FGD3: variants seen among roughly 807,000 people sequenced by gnomAD.
The protein encoded by FGD3 is FYVE, RhoGEF and PH domain containing 3, also known as FYVE, RhoGEF and PH domain-containing protein 3.
In FGD3, 45 loss-of-function variants were observed where a neutral mutation model predicts 71.8. That is an observed-to-expected ratio of 0.63 (90% CI 0.49 to 0.80). The LOEUF is 0.80. FGD3 is among the 30% of genes least tolerant of loss of function. The pLI, the probability that FGD3 is intolerant of heterozygous loss-of-function variation, is 0.00. For missense variants in FGD3, 844 were observed against 951.5 expected (o/e 0.89, Z 1.49); for synonymous variants, 378 against 392.8 (o/e 0.96, Z 0.44).
At chr9:93,028,893 A>G (rs1329816205) in intron 14 of FGD3, among the ~76,000 whole-genome samples, 2 of 147,312 alleles carry the variant, frequency 1.4e-5, no homozygotes, top group African/African-American at 5.0e-5. Flanking sequence ...TCCAGCCTCC[A>G]CACCACCCTC....
At position 92,950,786 on chromosome 9, in the gene FGD3, G is replaced by C. The variant is rs575929917; in HGVS notation, c.-218+3057G>C. 2.0e-5 allele frequency among the ~76,000 whole-genome samples: 3 copies of C among 152,334 alleles called. No homozygotes were observed. The East Asian group carries it at 5.8e-4, about 29-fold the overall frequency. ...GGTCTAAAGAATTAAATCCAGTGCAGATGAGTCCACCCAGGAGGAATCTGT... is the reference window on the plus strand; with the variant it reads ...GGTCTAAAGAATTAAATCCAGTGCACATGAGTCCACCCAGGAGGAATCTGT... On this transcript the variant is annotated intron_variant, in intron 1 of 17. Transcript: ENST00000375482.
At chr9:93,027,360 G>A (rs1023361915) in intron 14 of FGD3, among the ~76,000 whole-genome samples, 3 of 152,232 alleles carry the variant, frequency 2.0e-5, no homozygotes, top group African/African-American at 7.2e-5. Context: ...AGATCAAGGT[G>A]TGGGTAGGGT....
rs1255204883 is a variant in FGD3, at chr9:92,991,173, A to T, written c.454-11752A>T. On this transcript the variant is annotated intron_variant, in intron 3 of 17. Coordinates refer to ENST00000375482, the MANE Select transcript of FGD3 (RefSeq NM_001083536.2). The stretch of plus-strand genomic sequence containing the variant: ...GGCTCCCTGCAACCTCTGCCTCCCT[A>T]GCTCAAGCTATTCTCTTGCCTCAGC... Among the ~76,000 whole-genome samples, 9 of 152,020 alleles carry T rather than the reference A, an allele frequency of 5.9e-5. No individual in the cohort carries two copies. The South Asian group carries it at 1.7e-3, about 28-fold the overall frequency.
At chr9:93,009,840 A>C (rs1481004047) in intron 6 of FGD3, among the ~76,000 whole-genome samples, 1 of 152,192 alleles carries the variant, frequency 6.6e-6, no homozygotes, top group East Asian at 1.9e-4. Flanking sequence ...CCCGATACCC[A>C]GTGGGGATGG....
In FGD3 at chr9:93,034,552, T is replaced by A; in HGVS notation, c.1797T>A (p.Thr599=). 1 of 1,611,620 alleles carries A rather than the reference T, an allele frequency of 6.2e-7. No individual in the cohort carries two copies. Residue 599 remains threonine (T), a synonymous_variant, in exon 17 of 18, where the codon ACT becomes ACA. Transcript: ENST00000375482. The part of the protein sequence containing the change: ...VAPESTEKTP[T]ADPQPSLLCG... Reference sequence around the variant, plus strand: ...CTTTGTGTCCCCAGAAGACACCCACTGCAGACCCCCAGCCCAGCCTGCTCT... The same window carrying A: ...CTTTGTGTCCCCAGAAGACACCCACAGCAGACCCCCAGCCCAGCCTGCTCT...
intron 3 of FGD3, among the ~76,000 whole-genome samples, chr9:92,984,092 T>C (rs1311682405): frequency 6.6e-6 from 1 of 152,234 alleles, no homozygotes; most frequent in Non-Finnish European, 1.5e-5. Context: ...CTTTCCAGCA[T>C]AGATGAGGGG....
chr9:93,018,298 A>G, intron 11 of FGD3, 83 bp downstream of exon 11: 2 of 1,284,702 alleles, frequency 1.6e-6, no homozygotes, highest in South Asian at 1.3e-5. Flanking sequence ...ATATATTTTT[A>G]TTTATGCATG....
chr9:92,996,471 T>A (rs914041869), intron 3 of FGD3, among the ~76,000 whole-genome samples: 3 of 152,200 alleles, frequency 2.0e-5, no homozygotes, highest in Admixed American at 1.3e-4. Flanking sequence ...TGTGTCTCTG[T>A]CTCCTTCAGT....
At chr9:92,974,373 A>G (rs769707030) in intron 1 of FGD3, 13 of 152,256 alleles carry the variant, frequency 8.5e-5, no homozygotes, top group South Asian at 2.1e-4. Context: ...ATTGCCCCCC[A>G]TTGAACTCGT....
At chr9:92,980,602 C>T (rs1859951607) in intron 3 of FGD3, among the ~76,000 whole-genome samples, 2 of 151,764 alleles carry the variant, frequency 1.3e-5, no homozygotes, top group South Asian at 4.2e-4. Flanking sequence ...GTAAAATTCC[C>T]TCTTAGCACT....
chr9:93,009,777 C>A (rs962528029), intron 6 of FGD3, among the ~76,000 whole-genome samples: 1 of 152,154 alleles, frequency 6.6e-6, no homozygotes, highest in South Asian at 2.1e-4. Context: ...ATATCGAGAG[C>A]GATCTGCAGA....
At chr9:93,035,231 G>A in intron 17 of FGD3, 107 bp from the exon 18 acceptor site, 1 of 1,455,938 alleles carries the variant, frequency 6.9e-7, no homozygotes, top group Non-Finnish European at 9.1e-7. Flanking sequence ...CACCTGCCTT[G>A]CGTTGCAAGG....
chr9:92,979,618 T>C (rs1412655694), intron 3 of FGD3, among the ~76,000 whole-genome samples: 1 of 152,226 alleles, frequency 6.6e-6, no homozygotes, highest in Non-Finnish European at 1.5e-5. Flanking sequence ...GCTGGCCTTA[T>C]TGAATGAGCT....
intron 1 of FGD3, among the ~76,000 whole-genome samples, chr9:92,973,316 T>C (rs951584958): frequency 3.3e-5 from 5 of 152,076 alleles, no homozygotes; most frequent in Non-Finnish European, 7.4e-5. Context: ...GGTTTCTCCA[T>C]GTTGGCCAGG....
intron 1 of FGD3, among the ~76,000 whole-genome samples, chr9:92,949,009 C>A (rs1858905185): frequency 6.6e-6 from 1 of 152,220 alleles, no homozygotes; most frequent in Non-Finnish European, 1.5e-5. Flanking sequence ...GTTTCCTTAT[C>A]CGCAAAATGA....
chr9:93,019,815 C>G lies in FGD3; in HGVS notation c.1356-16C>G, dbSNP rs185417583. ...ATCCAAGACTGGATTAATACAAGAC[C>G]GTTTTGGTTTTTTAGGACAGAGGAA... On this transcript the variant is annotated splice_polypyrimidine_tract_variant and intron_variant, in intron 11 of 17. Coordinates refer to ENST00000375482, the MANE Select transcript of FGD3 (RefSeq NM_001083536.2). The G allele has an allele frequency of 6.2e-7, 1 of 1,613,122 alleles. No homozygotes were observed. The highest frequency in any genetic ancestry group is 8.5e-7 in the Non-Finnish European group (1 of 1,179,348).
rs964745951 is a variant in FGD3 at position 93,010,366 on chromosome 9, G to C, written c.958G>C (p.Asp320His). The C allele has an allele frequency of 6.2e-6, 10 of 1,611,486 alleles. No individual in the cohort carries two copies. Among genetic ancestry groups the C allele is most frequent in the African/African-American group, 4.0e-5 (3 of 74,898 alleles). ...YLKRLPQDAP[D>H]RKDAERSLEL... ...GAAGAGGCTCCCGCAGGACGCCCCA[G>C]ACCGGAAGGATGCGGAGAGTGAGCT... The change falls in exon 7 of 18, where the codon GAC becomes CAC. Residue 320 changes from aspartate (D) to histidine (H), a missense_variant. Physicochemically the swap from Asp to His is moderately conservative, Grantham distance 81 (BLOSUM62 -1). Coordinates refer to ENST00000375482, the MANE Select transcript of FGD3 (RefSeq NM_001083536.2).
chr9:92,983,532 C>A (rs960834491), intron 3 of FGD3, among the ~76,000 whole-genome samples: 7 of 151,904 alleles, frequency 4.6e-5, no homozygotes, highest in East Asian at 3.9e-4. Flanking sequence ...CTCAAAAAAA[C>A]CAAAAAACGA....
At chr9:93,007,197 T>C (rs1163678742) in intron 6 of FGD3, among the ~76,000 whole-genome samples, 1 of 151,268 alleles carries the variant, frequency 6.6e-6, no homozygotes, top group Non-Finnish European at 1.5e-5. Flanking sequence ...TTCACGCCAT[T>C]CTCCTGCCTC....
Sources: gnomAD v4.1 joint callset for allele counts (sites outside exome capture counted in the v4.1 genomes callset) on GRCh38, gnomAD v4.1.1 for gene constraint, MANE v1.5 for transcripts, NCBI Gene and HGNC (gene_info 2026-07-23, HGNC 2026-07-21) for gene names.